The following SNX9 variants were observed in gnomAD, a reference collection of about 807,000 sequenced individuals.
The protein encoded by SNX9 is sorting nexin 9, also known as sorting nexin-9.
In SNX9, 44 loss-of-function variants were observed where a neutral mutation model predicts 89.4. The ratio of observed to expected loss-of-function variants is 0.49; its 90% confidence interval spans 0.39 to 0.63. The LOEUF is 0.63. Ranked by LOEUF, SNX9 falls within the 30% of genes least tolerant of loss-of-function variation. SNX9 has a pLI of 0.00. For synonymous variants in SNX9, 236 were observed against 247.8 expected (o/e 0.95, Z 0.45); for missense variants, 578 against 736.1 (o/e 0.79, Z 2.49).
intron 9 of SNX9, among the ~76,000 whole-genome samples, chr6:157,918,639 T>A (rs1783521822): frequency 6.6e-6 from 1 of 152,184 alleles, no homozygotes; most frequent in African/African-American, 2.4e-5. Flanking sequence ...TGCCATTTTG[T>A]TATTTGTTTT....
At position 157,850,579 on chromosome 6, in the gene SNX9, C is replaced by T. The variant is rs189891793; in HGVS notation, c.13-16968C>T. ...TCGAGTTTGCTGGGGGAGTCTCTTC[C>T]CTTGGCTTCTCTTTTTTTTCCACTT... is the stretch of plus-strand genomic sequence containing the variant. On this transcript the variant is annotated intron_variant, in intron 1 of 17. Transcript: ENST00000392185. Among the ~76,000 whole-genome samples the T allele has an allele frequency of 3.2e-4, 48 of 152,182 alleles. 1 individual carries two copies. The East Asian group carries it at 6.6e-3, about 21-fold the overall frequency.
chr6:157,917,133 T>A (rs1783488831), intron 9 of SNX9, among the ~76,000 whole-genome samples: 1 of 152,062 alleles, frequency 6.6e-6, no homozygotes, highest in Non-Finnish European at 1.5e-5. Context: ...TTTAAGGGAG[T>A]CGATTTATTT....
chr6:157,924,409 T>C (rs1048834740), intron 10 of SNX9: 1 of 152,154 alleles, frequency 6.6e-6, no homozygotes, highest in African/African-American at 2.4e-5. Flanking sequence ...GACAGGCACT[T>C]GGAAAGTTTC....
At chr6:157,888,841 G>A (rs900361697) in intron 4 of SNX9, among the ~76,000 whole-genome samples, 6 of 152,170 alleles carry the variant, frequency 3.9e-5, no homozygotes, top group African/African-American at 1.4e-4. Flanking sequence ...TTTACACCGT[G>A]GAGGCCTCTT....
chr6:157,918,963 A>T (rs1376333931), intron 9 of SNX9, among the ~76,000 whole-genome samples: 1 of 152,080 alleles, frequency 6.6e-6, no homozygotes, highest in Admixed American at 6.6e-5. Context: ...TGCTTTCTAC[A>T]GTCTTTTGTC....
intron 1 of SNX9, among the ~76,000 whole-genome samples, chr6:157,834,161 T>TG (rs1562588756): frequency 1.0e-4 from 10 of 99,582 alleles, no homozygotes; most frequent in South Asian, 7.9e-4. Flanking sequence ...TTTTTTTTTT[T>TG]TTTTTTTTTT....
At chr6:157,891,172 T>C (rs1007652326) in intron 4 of SNX9, among the ~76,000 whole-genome samples, 2 of 151,574 alleles carry the variant, frequency 1.3e-5, no homozygotes, top group East Asian at 1.9e-4. Flanking sequence ...GCTGGGATTA[T>C]AGGCTCCTGC....
chr6:157,839,561 A>G (rs1781653913), intron 1 of SNX9, among the ~76,000 whole-genome samples: 1 of 152,238 alleles, frequency 6.6e-6, no homozygotes, highest in Non-Finnish European at 1.5e-5. Context: ...TGTGAATTCC[A>G]TTGCACAGTC....
intron 1 of SNX9, among the ~76,000 whole-genome samples, chr6:157,841,802 T>G (rs548226898): frequency 3.3e-5 from 5 of 152,362 alleles, no homozygotes; most frequent in Admixed American, 2.0e-4. Flanking sequence ...AAGAATTTAC[T>G]ACACTGTGAC....
At chr6:157,867,462 C>G (rs1782287808) in intron 1 of SNX9, 85 bp from the exon 2 acceptor site, 1 of 1,077,484 alleles carries the variant, frequency 9.3e-7, no homozygotes, top group African/African-American at 1.6e-5. Flanking sequence ...TACCAGCATG[C>G]TTAGAAAGTG....
chr6:157,864,987 A>G (rs112283747), intron 1 of SNX9, among the ~76,000 whole-genome samples: 4 of 150,122 alleles, frequency 2.7e-5, no homozygotes, highest in African/African-American at 9.9e-5. Flanking sequence ...GAGACTTGCC[A>G]CTGCACTTTA....
At position 157,897,044 on chromosome 6, in the gene SNX9, G is replaced by A. The variant is rs202014108; in HGVS notation, c.472+46G>A. ...TCCCACCCTGCCCGCCCATGGCTGA[G>A]TGGGAGAGACAGGGAAGACCGAACT... On this transcript the variant is annotated intron_variant, in intron 5 of 17. Coordinates refer to ENST00000392185, the MANE Select transcript of SNX9 (RefSeq NM_016224.5). 3.3e-5 allele frequency: 50 copies of A among 1,519,290 alleles called. 1 individual carries two copies. The East Asian group carries it at 1.0e-3, about 32-fold the overall frequency. The allele number at this position is 1,519,290 out of a possible 1,614,324, so 94.1% of individuals were successfully genotyped here.
chr6:157,843,683 TAGAC>T (rs917283358), intron 1 of SNX9, among the ~76,000 whole-genome samples: 10 of 152,170 alleles, frequency 6.6e-5, no homozygotes, highest in African/African-American at 1.9e-4. Context: ...AATCCTTTGA[TAGAC>T]AGACAGCTAT....
chr6:157,851,563 G>A (rs1781911907), intron 1 of SNX9, among the ~76,000 whole-genome samples: 1 of 152,032 alleles, frequency 6.6e-6, no homozygotes, highest in Admixed American at 6.6e-5. Flanking sequence ...CCTATTCTAG[G>A]TATCTCACAT....
chr6:157,928,763 T>G (rs750873608), intron 12 of SNX9, 61 bp downstream of exon 12: 52 of 1,305,006 alleles, frequency 4.0e-5, no homozygotes, highest in Admixed American at 5.7e-5. Flanking sequence ...CAGTTTTATG[T>G]CCCTTATCAT....
chr6:157,856,663 C>A (rs538652814), intron 1 of SNX9, among the ~76,000 whole-genome samples: 1 of 152,202 alleles, frequency 6.6e-6, no homozygotes, highest in Admixed American at 6.5e-5. Flanking sequence ...CACTCCCAAC[C>A]CTTATCCCCT....
At chr6:157,876,769 G>A (rs1234672253) in intron 4 of SNX9, among the ~76,000 whole-genome samples, 3 of 152,216 alleles carry the variant, frequency 2.0e-5, no homozygotes, top group East Asian at 1.9e-4. Context: ...TTGAGGCCCC[G>A]CGCCCTTTCC....
At chr6:157,873,485 AT>A (rs1226249882) in intron 3 of SNX9, among the ~76,000 whole-genome samples, 1 of 147,998 alleles carries the variant, frequency 6.8e-6, no homozygotes, top group Admixed American at 6.8e-5. Context: ...TATTATAAAT[AT>A]ATATTATAAA....
chr6:157,846,112 G>C (rs572706018), intron 1 of SNX9, among the ~76,000 whole-genome samples: 1 of 152,298 alleles, frequency 6.6e-6, no homozygotes, highest in Admixed American at 6.5e-5. Context: ...CTCTGCCTTC[G>C]CATCTGATGC....
Sources: gnomAD v4.1 joint callset for allele counts (sites outside exome capture counted in the v4.1 genomes callset) on GRCh38, gnomAD v4.1.1 for gene constraint, MANE v1.5 for transcripts, NCBI Gene and HGNC (gene_info 2026-07-23, HGNC 2026-07-21) for gene names.